The following OSTN variants were observed in gnomAD, a reference collection of about 807,000 sequenced individuals.
The protein encoded by OSTN is osteocrin.
Under a neutral mutation model 12.0 loss-of-function variants are expected in OSTN, and 9 were observed. The ratio of observed to expected loss-of-function variants is 0.75; its 90% CI spans 0.45 to 1.30. The LOEUF (loss-of-function observed/expected upper bound fraction) is 1.30, where lower values mean the gene tolerates loss of function less well. OSTN is among the 50% of genes most tolerant of loss of function. The pLI is 0.00. For missense variants in OSTN, 148 were observed against 152.3 expected, an observed-to-expected ratio of 0.97 and a Z score of 0.15; for synonymous variants, 59 against 56.9, an observed-to-expected ratio of 1.04 and a Z score of -0.16.
chr3:191,229,520 A>C (rs941523529), intron 3 of OSTN, among the ~76,000 whole-genome samples: 2 of 152,216 alleles, frequency 1.3e-5, no homozygotes, highest in Non-Finnish European at 2.9e-5. Flanking sequence ...AATGATGTGC[A>C]CATGGGAGTT....
intron 3 of OSTN, among the ~76,000 whole-genome samples, chr3:191,245,475 G>A (rs1260969641): frequency 6.6e-6 from 1 of 152,146 alleles, no homozygotes; most frequent in African/African-American, 2.4e-5. Context: ...CTATCAGTAA[G>A]TAAATCAAGT....
chr3:191,210,663 A>C (rs752328097), intron 1 of OSTN, among the ~76,000 whole-genome samples: 2 of 152,212 alleles, frequency 1.3e-5, no homozygotes, highest in Non-Finnish European at 2.9e-5. Context: ...CCAATCTTAC[A>C]GATTCCATTC....
intron 3 of OSTN, among the ~76,000 whole-genome samples, chr3:191,228,243 T>G (rs942729370): frequency 6.6e-6 from 1 of 152,292 alleles, no homozygotes; most frequent in African/African-American, 2.4e-5. Context: ...CAAGCTCACT[T>G]TGCACATTTT....
intron 3 of OSTN, among the ~76,000 whole-genome samples, chr3:191,222,255 C>T (rs1412151992): frequency 6.6e-6 from 1 of 152,212 alleles, no homozygotes; most frequent in East Asian, 1.9e-4. Flanking sequence ...GGCCACCATC[C>T]TGCAGACCCC....
At chr3:191,238,835 C>A (rs1468234318) in intron 3 of OSTN, among the ~76,000 whole-genome samples, 1 of 152,174 alleles carries the variant, frequency 6.6e-6, no homozygotes, top group East Asian at 1.9e-4. Context: ...TTCTCCCAAC[C>A]CAATTTATGT....
intron 3 of OSTN, among the ~76,000 whole-genome samples, chr3:191,220,281 C>A (rs1349921): frequency 0.4 from 61,105 of 151,952 alleles, 15,400 homozygotes; most frequent in African/African-American, 0.71. Flanking sequence ...GAAGACCATA[C>A]CTTATACTAC....
chr3:191,245,342 T>C (rs1340201900), intron 3 of OSTN, among the ~76,000 whole-genome samples: 2 of 150,046 alleles, frequency 1.3e-5, no homozygotes, highest in East Asian at 3.9e-4. Context: ...CAATCAAATA[T>C]CACTTAACAA....
At chr3:191,241,975 CA>C (rs569498733) in intron 3 of OSTN, among the ~76,000 whole-genome samples, 11 of 150,138 alleles carry the variant, frequency 7.3e-5, no homozygotes, top group Non-Finnish European at 1.3e-4. Flanking sequence ...AAATTCCTAC[CA>C]AAAAAAATAG....
At chr3:191,239,799 C>T (rs1715280147) in intron 3 of OSTN, among the ~76,000 whole-genome samples, 1 of 152,182 alleles carries the variant, frequency 6.6e-6, no homozygotes, top group South Asian at 2.1e-4. Flanking sequence ...TTTGCCCAGC[C>T]TTTTATTCAC....
intron 4 of OSTN, among the ~76,000 whole-genome samples, chr3:191,251,430 A>G (rs1295460790): frequency 6.6e-6 from 1 of 152,216 alleles, no homozygotes; most frequent in African/African-American, 2.4e-5. Context: ...CTGAGGCTAG[A>G]GCAGAGGGAA....
chr3:191,212,604 AG>A lies in OSTN; in HGVS notation c.73del (p.Val25SerfsTer4). 1 of 1,585,430 alleles carries A rather than the reference AG, an allele frequency of 6.3e-7. No homozygotes were observed. Among genetic ancestry groups the A allele is most frequent in the Non-Finnish European group, 8.6e-7 (1 of 1,161,654 alleles). ...VTLTLWSSGK[V>X]LSVDVTTTEA... ...CACTGACACTGTGGAGCTCAGGAAA[AG>A]TCCTCTCAGTAGATGTAACAACAAC... On this transcript the variant is annotated frameshift_variant, in exon 2 of 5. Coordinates refer to ENST00000682035, the MANE Select transcript of OSTN (RefSeq NM_198184.2). LOFTEE classifies it high-confidence loss of function.
intron 1 of OSTN, among the ~76,000 whole-genome samples, chr3:191,206,249 A>G (rs1370853811): frequency 6.6e-6 from 1 of 152,088 alleles, no homozygotes; most frequent in Non-Finnish European, 1.5e-5. Flanking sequence ...TATGTCATCA[A>G]TTTTGCCTCA....
intron 4 of OSTN, among the ~76,000 whole-genome samples, chr3:191,259,850 TTC>T (rs1715764441): frequency 7.4e-6 from 1 of 134,658 alleles, no homozygotes; most frequent in Non-Finnish European, 1.7e-5. Context: ...TTATGTATCC[TTC>T]TTTTTTTTTT....
chr3:191,230,353 C>T (rs995578963), intron 3 of OSTN, among the ~76,000 whole-genome samples: 46 of 151,510 alleles, frequency 3.0e-4, no homozygotes, highest in African/African-American at 1.1e-3. Context: ...ATCACCAGGT[C>T]AGGAGATCGA....
At position 191,264,838 on chromosome 3, in the gene OSTN, G is replaced by A. The variant is rs1715887576; in HGVS notation, c.*1985G>A. 2 of 152,110 alleles carry A rather than the reference G, an allele frequency of 1.3e-5. No homozygotes were observed. The highest frequency in any genetic ancestry group is 1.3e-4 in the Admixed American group (2 of 15,282). 9.4% of individuals were successfully genotyped at this position (152,110 alleles called of 1,614,324 possible). On this transcript the variant is annotated 3_prime_UTR_variant, in exon 5 of 5. Coordinates refer to ENST00000682035, the MANE Select transcript of OSTN (RefSeq NM_198184.2). ...TTCTCATGGTAAATATTGGAAGTTGGATTATGCAAATTGATTTCCTCCATT... is the reference window on the plus strand; with the variant it reads ...TTCTCATGGTAAATATTGGAAGTTGAATTATGCAAATTGATTTCCTCCATT...
chr3:191,237,168 T>C (rs1366161192), intron 3 of OSTN, among the ~76,000 whole-genome samples: 3 of 152,166 alleles, frequency 2.0e-5, no homozygotes, highest in African/African-American at 7.2e-5. Context: ...GAAATGAGGA[T>C]GTAGAGGCAA....
At chr3:191,241,733 A>C in intron 3 of OSTN, among the ~76,000 whole-genome samples, 1 of 152,226 alleles carries the variant, frequency 6.6e-6, no homozygotes, top group East Asian at 1.9e-4. Context: ...GGAAATTTTC[A>C]ACGAAGTGCT....
chr3:191,223,375 A>C (rs762212643), intron 3 of OSTN, among the ~76,000 whole-genome samples: 20 of 152,262 alleles, frequency 1.3e-4, no homozygotes, highest in Non-Finnish European at 2.9e-4. Context: ...GGGAGATATC[A>C]CCATTAGAAT....
rs754735425 is a variant in OSTN, at chr3:191,250,076, C to T, written c.357C>T (p.Pro119=). The T allele has an allele frequency of 2.5e-6, 4 of 1,613,840 alleles. No homozygotes were observed. Among genetic ancestry groups the T allele is most frequent in the Middle Eastern group, 1.7e-4 (1 of 6,056 alleles). The stretch of plus-strand genomic sequence containing the variant: ...ATCCAAAAAGGCGATTTGGTATCCC[C>T]ATGGATCGGATTGGTAGAAACCGGC... The part of the protein sequence containing the change: ...VDHPKRRFGI[P]MDRIGRNRLS... Residue 119 remains proline, a synonymous_variant, in exon 4 of 5, where the codon CCC becomes CCT. Coordinates refer to ENST00000682035, the MANE Select transcript of OSTN (RefSeq NM_198184.2).
Sources: allele counts gnomAD v4.1 joint callset (sites outside exome capture counted in the v4.1 genomes callset), GRCh38; gene constraint gnomAD v4.1.1; transcripts MANE v1.5; gene names NCBI Gene and HGNC (gene_info 2026-07-23, HGNC 2026-07-21).